PRKG1: variants seen among roughly 807,000 people sequenced by gnomAD.
The protein encoded by PRKG1 is protein kinase cGMP-dependent 1, also known as cGMP-dependent protein kinase 1.
Under a neutral mutation model 88.1 loss-of-function variants are expected in PRKG1, and 35 were observed. That is an observed-to-expected ratio of 0.40 (90% CI 0.30 to 0.53). PRKG1 has a LOEUF of 0.53. PRKG1 is among the 20% of genes least tolerant of loss of function. The probability of loss-of-function intolerance (pLI) is 0.59; values close to 1 mark genes in which losing one functional copy is unlikely to be tolerated. For synonymous variants in PRKG1, 303 were observed against 292.5 expected, an observed-to-expected ratio of 1.04 and a Z score of -0.37; for missense variants, 540 against 839.8, an observed-to-expected ratio of 0.64 and a Z score of 4.41.
chr10:51,935,017 C>T (rs535161013), intron 5 of PRKG1, among the ~76,000 whole-genome samples: 41 of 152,034 alleles, frequency 2.7e-4, no homozygotes, highest in Non-Finnish European at 5.3e-4. Context: ...AGGATGGTTC[C>T]GGCAATGGGA....
chr10:51,333,890 T>C lies in PRKG1; in HGVS notation c.479-133833T>C, dbSNP rs2132534016. 1.3e-5 allele frequency among the ~76,000 whole-genome samples: 2 copies of C among 152,326 alleles called. 1 individual carries two copies. Among genetic ancestry groups the C allele is most frequent in the South Asian group, 4.1e-4 (2 of 4,824 alleles). Reference sequence around the variant, plus strand: ...TTCTCTTCACTTTGTACCTGCATCATAGTAACAGCTCCATAACTAGTCTCT... The same window carrying C: ...TTCTCTTCACTTTGTACCTGCATCACAGTAACAGCTCCATAACTAGTCTCT... On this transcript the variant is annotated intron_variant, in intron 2 of 17. Transcript: ENST00000373980.
intron 2 of PRKG1, among the ~76,000 whole-genome samples, chr10:51,163,675 T>C (rs943977514): frequency 2.0e-5 from 3 of 152,130 alleles, no homozygotes; most frequent in Admixed American, 6.5e-5. Context: ...ACCTGGAAAA[T>C]CGGGTCACTC....
At chr10:52,265,472 C>T (rs897329722) in intron 10 of PRKG1, among the ~76,000 whole-genome samples, 1 of 152,074 alleles carries the variant, frequency 6.6e-6, no homozygotes, top group Non-Finnish European at 1.5e-5. Flanking sequence ...AAGCTACGAG[C>T]TCTTAATAAC....
At chr10:51,947,398 C>T (rs1164593480) in intron 5 of PRKG1, among the ~76,000 whole-genome samples, 2 of 152,162 alleles carry the variant, frequency 1.3e-5, no homozygotes, top group East Asian at 3.9e-4. Context: ...AGGGAACTGC[C>T]TGACCCCTTG....
At chr10:51,075,047 G>A in intron 1 of PRKG1, 146 bp downstream of exon 1, 1 of 1,212,550 alleles carries the variant, frequency 8.2e-7, no homozygotes, top group Non-Finnish European at 1.1e-6. Flanking sequence ...GGCACTTCTT[G>A]CGGGGCTGTG....
chr10:51,834,439 G>A (rs1324199205), intron 4 of PRKG1, among the ~76,000 whole-genome samples: 1 of 152,002 alleles, frequency 6.6e-6, no homozygotes, highest in African/African-American at 2.4e-5. Context: ...CTAGGAGTTT[G>A]AGACCAGCCT....
chr10:52,220,170 C>T (rs1484525289), intron 9 of PRKG1, among the ~76,000 whole-genome samples: 1 of 152,270 alleles, frequency 6.6e-6, no homozygotes, highest in East Asian at 1.9e-4. Flanking sequence ...TGAAGTATGA[C>T]AACTGAGGCT....
At chr10:51,510,428 C>T (rs934722272) in intron 3 of PRKG1, among the ~76,000 whole-genome samples, 7 of 152,018 alleles carry the variant, frequency 4.6e-5, no homozygotes, top group Non-Finnish European at 7.4e-5. Context: ...TGCAATGAAG[C>T]GAGTCATATG....
chr10:51,775,506 G>T (rs1838410561), intron 3 of PRKG1, among the ~76,000 whole-genome samples: 1 of 152,052 alleles, frequency 6.6e-6, no homozygotes, highest in South Asian at 2.1e-4. Context: ...AATCTGAGTA[G>T]ATGATTTTGT....
chr10:51,871,653 T>C (rs1421356204), intron 4 of PRKG1, among the ~76,000 whole-genome samples: 1 of 152,130 alleles, frequency 6.6e-6, no homozygotes, highest in Non-Finnish European at 1.5e-5. Flanking sequence ...AGCAAAAAGG[T>C]TGCAATATAC....
chr10:52,053,038 A>C (rs1466742970), intron 5 of PRKG1, among the ~76,000 whole-genome samples: 1 of 152,198 alleles, frequency 6.6e-6, no homozygotes, highest in Non-Finnish European at 1.5e-5. Flanking sequence ...ATATCTTGTT[A>C]AATGAAATAA....
chr10:52,094,372 TTTTA>T (rs1032431073), intron 7 of PRKG1, among the ~76,000 whole-genome samples: 26 of 152,202 alleles, frequency 1.7e-4, no homozygotes, highest in African/African-American at 6.0e-4. Context: ...TTTTTGATAT[TTTTA>T]TTTAATCACT....
At chr10:51,144,217 A>T (rs1329703363) in intron 1 of PRKG1, among the ~76,000 whole-genome samples, 1 of 152,068 alleles carries the variant, frequency 6.6e-6, no homozygotes, top group African/African-American at 2.4e-5. Context: ...GAAAAATTAG[A>T]GATAAATGAG....
At chr10:52,283,939 C>T (rs1842056494) in intron 14 of PRKG1, among the ~76,000 whole-genome samples, 1 of 151,864 alleles carries the variant, frequency 6.6e-6, no homozygotes, top group South Asian at 2.1e-4. Flanking sequence ...AAATATTAAA[C>T]ATGACAACTT....
At chr10:52,081,643 A>C (rs765904655) in intron 7 of PRKG1, 1 of 456,684 alleles carries the variant, frequency 2.2e-6, no homozygotes, top group Non-Finnish European at 4.4e-6. Flanking sequence ...TTCTTCATGG[A>C]TCTTACATTC....
chr10:50,996,363 G>C (rs575122240), intron 1 of PRKG1, among the ~76,000 whole-genome samples: 2 of 152,292 alleles, frequency 1.3e-5, no homozygotes, highest in African/African-American at 4.8e-5. Context: ...TATACTATAT[G>C]AACTTGGAAT....
intron 1 of PRKG1, among the ~76,000 whole-genome samples, chr10:51,135,333 G>T (rs143594583): frequency 1.2e-4 from 19 of 152,174 alleles, no homozygotes; most frequent in African/African-American, 4.6e-4. Context: ...TATTCTTTTT[G>T]ATAAATTAAA....
chr10:51,554,255 T>G (rs1837244580), intron 3 of PRKG1, among the ~76,000 whole-genome samples: 1 of 147,292 alleles, frequency 6.8e-6, no homozygotes, highest in South Asian at 2.1e-4. Context: ...ATATTATACA[T>G]ATATCTTAGG....
intron 7 of PRKG1, among the ~76,000 whole-genome samples, chr10:52,094,894 G>A (rs1242347720): frequency 6.6e-6 from 1 of 152,192 alleles, no homozygotes; most frequent in Non-Finnish European, 1.5e-5. Context: ...TTCAACCTAT[G>A]AATTTGAGAG....
Sources: allele counts gnomAD v4.1 joint callset (sites outside exome capture counted in the v4.1 genomes callset), GRCh38; gene constraint gnomAD v4.1.1; transcripts MANE v1.5; gene names NCBI Gene and HGNC (gene_info 2026-07-23, HGNC 2026-07-21).